TTBK1: variants seen among roughly 807,000 people sequenced by gnomAD.
TTBK1 encodes the protein tau-tubulin kinase 1.
Under a neutral mutation model 108.5 loss-of-function variants are expected in TTBK1, and 34 were observed. The ratio of observed to expected loss-of-function variants is 0.31; its 90% confidence interval spans 0.24 to 0.42. The LOEUF is 0.42. Among genes scored for constraint, TTBK1 ranks in the 10% least tolerant of loss-of-function variants. The pLI is 1.00. For synonymous variants in TTBK1, 809 were observed against 795.1 expected, an observed-to-expected ratio of 1.02 and a Z score of -0.29; for missense variants, 1,539 against 1,826.0, an observed-to-expected ratio of 0.84 and a Z score of 2.86.
intron 13 of TTBK1, among the ~76,000 whole-genome samples, chr6:43,264,042 G>C (rs1039219642): frequency 6.6e-6 from 1 of 152,070 alleles, no homozygotes; most frequent in African/African-American, 2.4e-5. Flanking sequence ...CTCGTGTCTC[G>C]GCTGATGCCC....
Position 43,284,091 on chromosome 6 carries a change from G to C in TTBK1, c.3351G>C (p.Gln1117His). 6.5e-7 allele frequency: 1 copy of C among 1,540,508 alleles called. No homozygotes were observed. Among genetic ancestry groups the C allele is most frequent in the Non-Finnish European group, 8.7e-7 (1 of 1,145,544 alleles). ...SGASSSSSEE[Q>H]RRASETLSGT... Reference sequence around the variant, plus strand: ...CCTCGTCCTCCTCCAGTGAGGAGCAGCGCCGTGCCTCTGAGACCCTCTCAG... The same window carrying C: ...CCTCGTCCTCCTCCAGTGAGGAGCACCGCCGTGCCTCTGAGACCCTCTCAG... Residue 1117 changes from glutamine to histidine, a missense_variant, in exon 14 of 15, where the codon CAG becomes CAC. Physicochemically the swap from Gln to His is conservative, Grantham distance 24. Around this residue, in one of 5 missense-constraint regions of TTBK1, gnomAD observed 1,055 missense variants for 1,086.5 expected, o/e 0.97. Transcript: ENST00000259750.
chr6:43,284,289 A>C lies in TTBK1; in HGVS notation c.3549A>C (p.Ala1183=), dbSNP rs751394688. The C allele has an allele frequency of 6.3e-7, 1 of 1,582,044 alleles. No homozygotes were observed. The highest frequency in any genetic ancestry group is 1.1e-5 in the South Asian group (1 of 89,650). ...GCAGATCCCATGGCGCGGCCCCAGCATTGGACACAGCCATCACCAGCAGGT... is the reference window on the plus strand; with the variant it reads ...GCAGATCCCATGGCGCGGCCCCAGCCTTGGACACAGCCATCACCAGCAGGT... ...PASRSHGAAP[A]LDTAITSRLQ... is the part of the protein sequence containing the mutation. The change falls in exon 14 of 15, where the codon GCA becomes GCC. Residue 1183 remains alanine, a synonymous_variant. Transcript: ENST00000259750.
chr6:43,255,490 C>A, intron 7 of TTBK1, 62 bp from the exon 8 acceptor site: 1 of 1,460,756 alleles, frequency 6.8e-7, no homozygotes. Flanking sequence ...AGAGAAGGGT[C>A]AGCCGCCCAT....
In TTBK1 at chr6:43,252,792, G is replaced by T. The variant is rs1489311097; in HGVS notation, c.162G>T (p.Leu54=). 1 of 1,613,986 alleles carries T rather than the reference G, an allele frequency of 6.2e-7. No individual in the cohort carries two copies. The highest frequency in any genetic ancestry group is 1.3e-5 in the African/African-American group (1 of 75,018). Residue 54 remains leucine (L), a synonymous_variant, in exon 3 of 15, where the codon CTG becomes CTT. Coordinates refer to ENST00000259750, the MANE Select transcript of TTBK1 (RefSeq NM_032538.3). Reference sequence around the variant, plus strand: ...GTGAGATCTACGAGGCCATGGACCTGCTGACCAGGGAGAATGTGGCCCTCA... The same window carrying T: ...GTGAGATCTACGAGGCCATGGACCTTCTGACCAGGGAGAATGTGGCCCTCA... ...GFGEIYEAMD[L]LTRENVALKV...
In TTBK1 at chr6:43,283,710, G is replaced by T. The variant is rs1289248431; in HGVS notation, c.2970G>T (p.Gly990=). ...GCCTCGCCCTGTCAGGGCTGAATGGGGCTGAGATAGAGGGCTCTGCCCTGT... is the reference window on the plus strand; with the variant it reads ...GCCTCGCCCTGTCAGGGCTGAATGGTGCTGAGATAGAGGGCTCTGCCCTGT... ...ENGLALSGLN[G]AEIEGSALSG... The change falls in exon 14 of 15, where the codon GGG becomes GGT. Residue 990 remains glycine (G), a synonymous_variant. Transcript: ENST00000259750. This position sits in a 1 kb window ranked among gnomAD's most constrained non-coding sequence, Gnocchi z 8.1. The T allele has an allele frequency of 1.9e-6, 3 of 1,613,794 alleles. No individual in the cohort carries two copies. The highest frequency in any genetic ancestry group is 2.5e-6 in the Non-Finnish European group (3 of 1,179,910).
rs1234022822 is a variant in TTBK1, at chr6:43,276,277, C to T, written c.1987-6450C>T. On this transcript the variant is annotated intron_variant, in intron 13 of 14. Transcript: ENST00000259750. This position sits in a 1 kb window ranked among gnomAD's most constrained non-coding sequence, Gnocchi z 5.4. ...AAACTCAAAACCACACACACGCTCA[C>T]ACGCACACACACGCACACGAAGATG... Among the ~76,000 whole-genome samples, 2 of 152,232 alleles carry T rather than the reference C, an allele frequency of 1.3e-5. No homozygotes were observed. The highest frequency in any genetic ancestry group is 2.9e-5 in the Non-Finnish European group (2 of 68,042).
chr6:43,272,402 T>G (rs940562224), intron 13 of TTBK1: 59 of 985,350 alleles, frequency 6.0e-5, no homozygotes, highest in Middle Eastern at 1.0e-3. Context: ...TACATACATA[T>G]TACTGTTTCC....
chr6:43,256,675 GT>G (rs1247628724), intron 9 of TTBK1, among the ~76,000 whole-genome samples: 1 of 151,208 alleles, frequency 6.6e-6, no homozygotes, highest in African/African-American at 2.4e-5. Context: ...GGAGGTGGAG[GT>G]TGCAGTGAGC....
rs111607015 is a variant in TTBK1 at position 43,279,758 on chromosome 6, T to TTTGTTG, written c.1987-2949_1987-2944dup. ...CCTATATGTGGAGGGGACAAAGTTTTTTGTTGTTGTTGTTGTTGTTGTTGT... is the reference window on the plus strand; with the variant it reads ...CCTATATGTGGAGGGGACAAAGTTTTTTGTTGTTGTTGTTGTTGTTGTTGTTGTTGT... On this transcript the variant is annotated intron_variant, in intron 13 of 14. Transcript: ENST00000259750. Among the ~76,000 whole-genome samples the TTTGTTG allele has an allele frequency of 6.5e-3, 982 of 150,992 alleles. 11 individuals carry two copies. The highest frequency in any genetic ancestry group is 0.022 in the African/African-American group (901 of 40,854).
At chr6:43,251,499 C>T (rs889453637) in intron 2 of TTBK1, among the ~76,000 whole-genome samples, 3 of 152,190 alleles carry the variant, frequency 2.0e-5, no homozygotes, top group Non-Finnish European at 4.4e-5. Flanking sequence ...AAACCAGTCT[C>T]AGCTTGGAAC....
rs1248953138 is a variant in TTBK1 at position 43,282,624 on chromosome 6, C to T, written c.1987-103C>T. 11 of 953,326 alleles carry T rather than the reference C, an allele frequency of 1.2e-5. No homozygotes were observed. Among genetic ancestry groups the T allele is most frequent in the East Asian group, 4.8e-5 (2 of 41,576 alleles). 59.1% of individuals were successfully genotyped at this position (953,326 alleles called of 1,614,324 possible). On this transcript the variant is annotated intron_variant, in intron 13 of 14. Coordinates refer to ENST00000259750, the MANE Select transcript of TTBK1 (RefSeq NM_032538.3). The surrounding 1 kb of genome is among the most constrained non-coding windows in gnomAD (Gnocchi z 5.4). ...TTTATGGAGCTCACACTCTGGTAGA[C>T]GACCTGGGCCTGTGAGTCTCCTAGG...
In TTBK1 at chr6:43,282,820, G is replaced by A. The variant is rs114539464; in HGVS notation, c.2080G>A (p.Asp694Asn). 6,853 of 1,614,024 alleles carry A rather than the reference G, an allele frequency of 4.2e-3. 19 individuals are homozygous for A. The highest frequency in any genetic ancestry group is 0.011 in the Middle Eastern group (64 of 6,062). Residue 694 changes from aspartate (D) to asparagine (N), a missense_variant, in exon 14 of 15, where the codon GAT becomes AAT. Physicochemically the swap from Asp to Asn is conservative, Grantham distance 23. Around this residue, in one of 5 missense-constraint regions of TTBK1, gnomAD observed 1,055 missense variants for 1,086.5 expected, o/e 0.97. Coordinates refer to ENST00000259750, the MANE Select transcript of TTBK1 (RefSeq NM_032538.3). This position sits in a 1 kb window ranked among gnomAD's most constrained non-coding sequence, Gnocchi z 5.4. ...CCAGGACTTCAAAAGAGACCTCTCC[G>A]ATTACCGAGAACGGGCGCGGTTGCT... is the stretch of plus-strand genomic sequence containing the variant. ...PYQDFKRDLSDYRERARLLNR... is the reference protein window; with the variant it reads ...PYQDFKRDLSNYRERARLLNR...
In TTBK1 at chr6:43,283,779, A is replaced by T; in HGVS notation, c.3039A>T (p.Ser1013=). The change falls in exon 14 of 15, where the codon TCA becomes TCT. Residue 1013 remains serine, a synonymous_variant. Transcript: ENST00000259750. This position sits in a 1 kb window ranked among gnomAD's most constrained non-coding sequence, Gnocchi z 8.1. ...RETPSEMATN[S]LPNGPALADG... ...CCCCCTCAGAGATGGCCACAAACTCACTGCCCAATGGCCCGGCCCTTGCAG... is the reference window on the plus strand; with the variant it reads ...CCCCCTCAGAGATGGCCACAAACTCTCTGCCCAATGGCCCGGCCCTTGCAG... The T allele has an allele frequency of 6.2e-7, 1 of 1,610,534 alleles. No homozygotes were observed.
Position 43,269,012 on chromosome 6 carries a change from G to A in TTBK1, c.1986+5662G>A, listed in dbSNP as rs1777754162. ...TTATGACCCCCATTTTACAGAGGAGGAAGCTGAGGCTCAGAGAGGTGCAGT... is the reference window on the plus strand; with the variant it reads ...TTATGACCCCCATTTTACAGAGGAGAAAGCTGAGGCTCAGAGAGGTGCAGT... On this transcript the variant is annotated intron_variant, in intron 13 of 14. Transcript: ENST00000259750. This position sits in a 1 kb window ranked among gnomAD's most constrained non-coding sequence, Gnocchi z 4.8. Among the ~76,000 whole-genome samples, 1 of 152,210 alleles carries A rather than the reference G, an allele frequency of 6.6e-6. No individual in the cohort carries two copies. Among genetic ancestry groups the A allele is most frequent in the Non-Finnish European group, 1.5e-5 (1 of 68,038 alleles).
At position 43,253,802 on chromosome 6, in the gene TTBK1, G is replaced by A. The variant is rs921262194; in HGVS notation, c.471+94G>A. On this transcript the variant is annotated intron_variant, in intron 5 of 14. Transcript: ENST00000259750. This position sits in a 1 kb window ranked among gnomAD's most constrained non-coding sequence, Gnocchi z 5.8. ...CTCCTGGTTTCTCCTCTGCAACCAT[G>A]GTTGGGACTTGTGATGGGACAGCCT... 1 of 1,469,562 alleles carries A rather than the reference G, an allele frequency of 6.8e-7. No individual in the cohort carries two copies. Among genetic ancestry groups the A allele is most frequent in the Non-Finnish European group, 9.1e-7 (1 of 1,102,774 alleles). 91.0% of individuals were successfully genotyped at this position (1,469,562 alleles called of 1,614,324 possible).
At chr6:43,270,207 TAC>T (rs1256972232) in intron 13 of TTBK1, 1 of 1,310,594 alleles carries the variant, frequency 7.6e-7, no homozygotes, top group Non-Finnish European at 9.7e-7. Context: ...GGGCTGGTGG[TAC>T]AGTTTCCAGG....
In TTBK1 at chr6:43,283,699, G is replaced by A. The variant is rs776619788; in HGVS notation, c.2959G>A (p.Gly987Arg). The A allele has an allele frequency of 1.2e-6, 2 of 1,613,950 alleles. No individual in the cohort carries two copies. The highest frequency in any genetic ancestry group is 1.1e-5 in the South Asian group (1 of 91,082). The change falls in exon 14 of 15, where the codon GGG (glycine) becomes AGG (arginine). Residue 987 changes from glycine to arginine, a missense_variant. Coordinates refer to ENST00000259750, the MANE Select transcript of TTBK1 (RefSeq NM_032538.3). This position sits in a 1 kb window ranked among gnomAD's most constrained non-coding sequence, Gnocchi z 8.1. ...CCTGGAGAACGGCCTCGCCCTGTCA[G>A]GGCTGAATGGGGCTGAGATAGAGGG... ...APLENGLALSGLNGAEIEGSA... is the reference protein window; with the variant it reads ...APLENGLALSRLNGAEIEGSA...
At chr6:43,284,488 C>A (rs7743125) in intron 14 of TTBK1, among the ~76,000 whole-genome samples, 176 bp downstream of exon 14, 1 of 151,968 alleles carries the variant, frequency 6.6e-6, no homozygotes, top group Non-Finnish European at 1.5e-5. Context: ...GGGTTCCAGC[C>A]CTGTCACTGG....
chr6:43,274,888 G>A (rs1173612033), intron 13 of TTBK1, among the ~76,000 whole-genome samples: 2 of 152,116 alleles, frequency 1.3e-5, no homozygotes, highest in Non-Finnish European at 2.9e-5. Flanking sequence ...GGTGGGGAAG[G>A]GGTGGAGAGG....
Sources: gnomAD v4.1 joint callset for allele counts (sites outside exome capture counted in the v4.1 genomes callset) on GRCh38, gnomAD v4.1.1 for gene constraint, gnomAD v4.1.1 regional missense constraint, Gnocchi (gnomAD v3.1) non-coding constraint, MANE v1.5 for transcripts, NCBI Gene and HGNC (gene_info 2026-07-23, HGNC 2026-07-21) for gene names.